The following CCDC171 variants were observed in gnomAD, a reference collection of about 807,000 sequenced individuals.
CCDC171 encodes the protein coiled-coil domain-containing protein 171.
In CCDC171, 177 loss-of-function variants were observed where a neutral mutation model predicts 168.2. That is an observed-to-expected ratio of 1.05 (90% CI 0.93 to 1.19). CCDC171 has a LOEUF of 1.19. Among genes scored for constraint, CCDC171 ranks in the 50% most tolerant of loss-of-function variants. The pLI, the probability that CCDC171 is intolerant of heterozygous loss-of-function variation, is 0.00. For missense variants in CCDC171, 1,991 were observed against 1,539.0 expected, an observed-to-expected ratio of 1.29 and a Z score of -4.91; for synonymous variants, 687 against 540.8, an observed-to-expected ratio of 1.27 and a Z score of -3.75.
intron 21 of CCDC171, among the ~76,000 whole-genome samples, chr9:15,785,562 C>G (rs1240174587): frequency 6.6e-6 from 1 of 152,066 alleles, no homozygotes; most frequent in African/African-American, 2.4e-5. Flanking sequence ...ACTCCTCACA[C>G]AAACTGTATG....
chr9:15,989,904 G>T (rs866231798), intron 3 of CCDC171, among the ~76,000 whole-genome samples: 4 of 152,154 alleles, frequency 2.6e-5, no homozygotes, highest in Non-Finnish European at 4.4e-5. Context: ...AATGAGCAAA[G>T]CCTCCAAGAA....
intron 24 of CCDC171, among the ~76,000 whole-genome samples, chr9:15,908,081 G>T (rs1822993946): frequency 6.6e-6 from 1 of 151,532 alleles, no homozygotes; most frequent in African/African-American, 2.4e-5. Context: ...TTCAACCATT[G>T]TGGAAGTCAA....
intron 1 of CCDC171, among the ~76,000 whole-genome samples, chr9:16,043,134 G>A (rs1329437399): frequency 6.6e-6 from 1 of 151,932 alleles, no homozygotes; most frequent in Non-Finnish European, 1.5e-5. Context: ...AAGCCAGAGA[G>A]GTTGGGGAAA....
intron 6 of CCDC171, among the ~76,000 whole-genome samples, chr9:16,026,658 C>T (rs1376583752): frequency 3.3e-5 from 5 of 152,104 alleles, no homozygotes; most frequent in African/African-American, 1.2e-4. Flanking sequence ...TTTCTCTGCC[C>T]CAACTTCCAG....
chr9:16,007,490 G>T (rs1348345913), intron 3 of CCDC171, among the ~76,000 whole-genome samples: 1 of 152,126 alleles, frequency 6.6e-6, no homozygotes, highest in African/African-American at 2.4e-5. Flanking sequence ...TGGTGTTTTA[G>T]ACATGAAGTC....
At chr9:15,594,378 T>A (rs1212603126) in intron 6 of CCDC171, among the ~76,000 whole-genome samples, 3 of 152,148 alleles carry the variant, frequency 2.0e-5, no homozygotes, top group African/African-American at 7.2e-5. Flanking sequence ...GTGATTTCCA[T>A]TGCATACCTT....
At chr9:15,682,789 A>G (rs1295152533) in intron 10 of CCDC171, among the ~76,000 whole-genome samples, 3 of 152,008 alleles carry the variant, frequency 2.0e-5, no homozygotes, top group Non-Finnish European at 4.4e-5. Flanking sequence ...ACTTGACAGA[A>G]TTTGACTATA....
intron 21 of CCDC171, among the ~76,000 whole-genome samples, chr9:15,811,431 C>T (rs748037300): frequency 2.6e-5 from 4 of 152,070 alleles, no homozygotes; most frequent in African/African-American, 7.2e-5. Flanking sequence ...TCCCCACCCC[C>T]GTACTCTATT....
rs1369754841 is a variant in CCDC171, at chr9:15,784,606, C to G, written c.3179C>G (p.Ala1060Gly). ...GCACAAATGCTATTGAATGAACAGG[C>G]ACAACAACTACAGGAATTGAATTAT... ...EQAQMLLNEQ[A>G]QQLQELNYKL... The change falls in exon 21 of 26, where the codon GCA becomes GGA. Residue 1060 changes from alanine to glycine, a missense_variant. Transcript: ENST00000380701. 6.2e-7 allele frequency: 1 copy of G among 1,612,924 alleles called. No individual in the cohort carries two copies. The highest frequency in any genetic ancestry group is 2.2e-5 in the East Asian group (1 of 44,836).
chr9:15,939,990 A>C (rs1190886137), intron 25 of CCDC171, among the ~76,000 whole-genome samples: 1 of 151,810 alleles, frequency 6.6e-6, no homozygotes, highest in African/African-American at 2.4e-5. Flanking sequence ...AAAGCCTGAA[A>C]ATTTAAGACT....
At chr9:15,750,953 G>C (rs1395524719) in intron 18 of CCDC171, among the ~76,000 whole-genome samples, 6 of 151,382 alleles carry the variant, frequency 4.0e-5, no homozygotes, top group Non-Finnish European at 7.4e-5. Context: ...AGAAAGAAAG[G>C]GTATTCAGTT....
chr9:15,605,448 G>A (rs2043147542), intron 6 of CCDC171, among the ~76,000 whole-genome samples: 1 of 150,828 alleles, frequency 6.6e-6, no homozygotes, highest in Non-Finnish European at 1.5e-5. Context: ...GGGAGGCTGA[G>A]GCGGGCAGAT....
chr9:15,751,008 T>G (rs1266949985), intron 18 of CCDC171, among the ~76,000 whole-genome samples: 2 of 152,172 alleles, frequency 1.3e-5, no homozygotes, highest in African/African-American at 2.4e-5. Context: ...GGTGAGATGA[T>G]TGTATATTTA....
intron 25 of CCDC171, among the ~76,000 whole-genome samples, chr9:15,951,627 T>A (rs1042052529): frequency 1.1e-4 from 16 of 152,156 alleles, no homozygotes; most frequent in Admixed American, 4.6e-4. Flanking sequence ...TGATTAGTGA[T>A]GTTGAGCATC....
At chr9:16,064,549 CT>C (rs1833971598), downstream of CCDC171, among the ~76,000 whole-genome samples, 1 of 152,148 alleles carries the variant, frequency 6.6e-6, no homozygotes, top group Admixed American at 6.5e-5. Flanking sequence ...TTGGCTGATT[CT>C]TTTTAGGGCC....
At chr9:15,612,618 G>C (rs2043782041) in intron 6 of CCDC171, among the ~76,000 whole-genome samples, 1 of 152,166 alleles carries the variant, frequency 6.6e-6, no homozygotes, top group Non-Finnish European at 1.5e-5. Context: ...GTTGTGTTGA[G>C]TGTGCCCCTG....
At chr9:15,936,693 C>T (rs1456222610) in intron 25 of CCDC171, among the ~76,000 whole-genome samples, 1 of 152,056 alleles carries the variant, frequency 6.6e-6, no homozygotes, top group Non-Finnish European at 1.5e-5. Flanking sequence ...CCACTGCGCT[C>T]CAGGCATAAG....
chr9:15,706,058 T>A (rs777997368), intron 11 of CCDC171, among the ~76,000 whole-genome samples: 1 of 152,222 alleles, frequency 6.6e-6, no homozygotes, highest in East Asian at 1.9e-4. Context: ...GCCATCTTGA[T>A]TGCCTCTATC....
intron 7 of CCDC171, among the ~76,000 whole-genome samples, chr9:15,640,400 ACAC>A (rs1023057863): frequency 1.3e-5 from 2 of 152,092 alleles, no homozygotes; most frequent in African/African-American, 4.8e-5. Flanking sequence ...TTAAAAAAAA[ACAC>A]CACCTTCAAA....
Sources: gnomAD v4.1 joint callset for allele counts (sites outside exome capture counted in the v4.1 genomes callset) on GRCh38, gnomAD v4.1.1 for gene constraint, MANE v1.5 for transcripts, NCBI Gene and HGNC (gene_info 2026-07-23, HGNC 2026-07-21) for gene names.